The following GRIP2 variants were observed in gnomAD, a reference collection of about 807,000 sequenced individuals.
GRIP2 encodes the protein glutamate receptor interacting protein 2.
A neutral mutation model predicts 108.3 loss-of-function variants in GRIP2; 58 were observed. The observed-to-expected ratio is 0.54, with a 90% confidence interval of 0.43 to 0.67. The LOEUF is 0.67. GRIP2 is among the 30% of genes least tolerant of loss of function. GRIP2 has a pLI of 0.00. For missense variants in GRIP2, 1,278 were observed against 1,430.6 expected (o/e 0.89, Z 1.72); for synonymous variants, 586 against 598.2 (o/e 0.98, Z 0.30).
chr3:14,533,800 G>A (rs557311609), intron 1 of GRIP2, among the ~76,000 whole-genome samples: 72 of 152,290 alleles, frequency 4.7e-4, no homozygotes, highest in African/African-American at 7.7e-4. Flanking sequence ...TCTCAACACC[G>A]AGTGGCTGCA....
the GRIP2 span, among the ~76,000 whole-genome samples, chr3:14,561,130 C>T: frequency 6.6e-5 from 10 of 152,318 alleles, no homozygotes; most frequent in South Asian, 1.7e-3. Flanking sequence ...GCCAGGCTCC[C>T]CTGTGCTCCC....
chr3:14,576,310 G>A, the GRIP2 span, among the ~76,000 whole-genome samples: 6 of 152,238 alleles, frequency 3.9e-5, no homozygotes, highest in Non-Finnish European at 7.3e-5. Flanking sequence ...ACTGAGATGC[G>A]GGTGCTGTGA....
Position 14,533,947 on chromosome 3 carries a change from C to T in GRIP2, c.40+6322G>A, listed in dbSNP as rs544691254. On this transcript the variant is annotated intron_variant, in intron 1 of 23. Coordinates refer to ENST00000621039, the MANE Select transcript of GRIP2 (RefSeq NM_001080423.4). ...GCGCAAAGAGTCAGTGGGCAGCAGG[C>T]GAGGCCTCGAGAGACTTCCCTAGGC... 3.3e-5 allele frequency among the ~76,000 whole-genome samples: 5 copies of T among 152,274 alleles called. No homozygotes were observed. In the South Asian group the frequency reaches 1.0e-3, roughly 32 times the overall value.
chr3:14,528,226 G>A (rs2102916), intron 1 of GRIP2, among the ~76,000 whole-genome samples: 24,956 of 152,210 alleles, frequency 0.16, 2,738 homozygotes, highest in East Asian at 0.43. Flanking sequence ...CCACAGTGTC[G>A]TGTGTATCAG....
At chr3:14,544,709 G>T (rs1695031506), upstream of GRIP2, among the ~76,000 whole-genome samples, 1 of 152,210 alleles carries the variant, frequency 6.6e-6, no homozygotes, top group Non-Finnish European at 1.5e-5. Flanking sequence ...GGCCGGGCCA[G>T]GACAATTGCT....
chr3:14,541,764 G>A, upstream of GRIP2: 1 of 692,704 alleles, frequency 1.4e-6, no homozygotes. Flanking sequence ...GTGATGCCAA[G>A]GTCTCAGCCA....
chr3:14,573,931 C>T, the GRIP2 span: 1 of 1,104,294 alleles, frequency 9.1e-7, no homozygotes, highest in Non-Finnish European at 1.4e-6. Flanking sequence ...GAGTGCTTCT[C>T]GTGCTCGCGC....
rs1693540013 is a variant in GRIP2 at position 14,494,906 on chromosome 3, G to A, written c.2907C>T (p.His969=). Reference sequence around the variant, plus strand: ...GGGCTGGCCCATCAGGGCGCACAGTGTGGACATAGACACCTTTTTCCAGGA... The same window carrying A: ...GGGCTGGCCCATCAGGGCGCACAGTATGGACATAGACACCTTTTTCCAGGA... ...DGLLEKGVYV[H]TVRPDGPAHR... The change falls in exon 23 of 24, where the codon CAC becomes CAT. Residue 969 remains histidine, a synonymous_variant. Transcript: ENST00000621039. 1 of 1,613,846 alleles carries A rather than the reference G, an allele frequency of 6.2e-7. No homozygotes were observed. The highest frequency in any genetic ancestry group is 8.5e-7 in the Non-Finnish European group (1 of 1,179,868).
intron 1 of GRIP2, among the ~76,000 whole-genome samples, chr3:14,555,240 C>G (rs1695217672): frequency 1.3e-5 from 2 of 152,232 alleles, no homozygotes; most frequent in Middle Eastern, 6.8e-3. Context: ...TGTCCCAACT[C>G]CCCACGTACA....
chr3:14,558,223 C>T (rs181240516), upstream of GRIP2, among the ~76,000 whole-genome samples: 1 of 152,198 alleles, frequency 6.6e-6, no homozygotes, highest in Non-Finnish European at 1.5e-5. Context: ...AGCATGCATG[C>T]GGCAAAACAG....
Position 14,505,495 on chromosome 3 carries a change from C to T in GRIP2, c.2573+120G>A, listed in dbSNP as rs1473948630. 2.7e-6 allele frequency: 3 copies of T among 1,120,948 alleles called. No homozygotes were observed. Among genetic ancestry groups the T allele is most frequent in the Middle Eastern group, 2.2e-4 (1 of 4,586 alleles). The allele number at this position is 1,120,948 out of a possible 1,614,324, so 69.4% of individuals were successfully genotyped here. A position where few individuals can be genotyped will look rare whatever the true frequency, so the allele number is the denominator to read the frequency against. On this transcript the variant is annotated intron_variant, in intron 20 of 23. Transcript: ENST00000621039. The surrounding 1 kb of genome is among the most constrained non-coding windows in gnomAD (Gnocchi z 4.2). ...CTCAGTGCTTCTCTCCCAGGAGGCACCCCTCCTCAGGAGCCCGCCAAGACT... is the reference window on the plus strand; with the variant it reads ...CTCAGTGCTTCTCTCCCAGGAGGCATCCCTCCTCAGGAGCCCGCCAAGACT...
At chr3:14,494,300 G>A (rs753243251) in intron 23 of GRIP2, among the ~76,000 whole-genome samples, 1 of 152,244 alleles carries the variant, frequency 6.6e-6, no homozygotes. Flanking sequence ...AACATGAATT[G>A]AGTAAATTTC....
At position 14,523,007 on chromosome 3, in the gene GRIP2, C is replaced by T. The variant is rs748476569; in HGVS notation, c.559G>A (p.Ala187Thr). ...TCTTCTGCCTCGGCTCACCTGTCGG[C>T]AGGGCCACCGGGCCGCACGTAGGTC... is the stretch of plus-strand genomic sequence containing the variant. ...VLTYVRPGGP[A>T]DREGSLKVGD... Residue 187 changes from alanine (A) to threonine (T), a missense_variant, in exon 6 of 24, where the codon GCC (alanine) becomes ACC (threonine). By Grantham distance (58) the Ala-to-Thr change is moderately conservative. Transcript: ENST00000621039. 6 of 1,613,716 alleles carry T rather than the reference C, an allele frequency of 3.7e-6. No individual in the cohort carries two copies. The highest frequency in any genetic ancestry group is 5.1e-6 in the Non-Finnish European group (6 of 1,179,726).
chr3:14,571,853 T>C, the GRIP2 span, among the ~76,000 whole-genome samples: 3,711 of 152,258 alleles, frequency 0.024, 184 homozygotes, highest in African/African-American at 0.084. Context: ...CCTGGGAAGC[T>C]TGATAGAAAT....
chr3:14,496,524 G>C lies in GRIP2; in HGVS notation c.2716C>G (p.Leu906Val). ...IMTGTVQRVA[L>V]EGRPGHRPWQ... ...GGCCGGTGGCCAGGCCTGCCCTCGAGGGCCACCCTCTGCACGGTGCCCGTC... is the reference window on the plus strand; with the variant it reads ...GGCCGGTGGCCAGGCCTGCCCTCGACGGCCACCCTCTGCACGGTGCCCGTC... Residue 906 changes from leucine (L) to valine (V), a missense_variant, in exon 22 of 24, where the codon CTC (leucine) becomes GTC (valine). Physicochemically the swap from Leu to Val is conservative, Grantham distance 32. Transcript: ENST00000621039. The C allele has an allele frequency of 6.2e-7, 1 of 1,612,694 alleles. No homozygotes were observed. The highest frequency in any genetic ancestry group is 8.5e-7 in the Non-Finnish European group (1 of 1,179,442).
chr3:14,493,453 C>T lies in GRIP2; in HGVS notation c.*212G>A, dbSNP rs144232410. ...CTTGGAGACCCAACTTGGCGAGAGA[C>T]CCCAGCTGTCACTCCAACTAGGGCA... On this transcript the variant is annotated 3_prime_UTR_variant, in exon 24 of 24. Transcript: ENST00000621039. 3.4e-4 allele frequency: 200 copies of T among 592,466 alleles called. 1 individual carries two copies. The East Asian group carries it at 5.9e-3, about 18-fold the overall frequency. The allele number at this position is 592,466 out of a possible 1,614,324, so 36.7% of individuals were successfully genotyped here. A position where few individuals can be genotyped will look rare whatever the true frequency, so the allele number is the denominator to read the frequency against.
At chr3:14,540,389 G>T, upstream of GRIP2, 1 of 1,609,988 alleles carries the variant, frequency 6.2e-7, no homozygotes, top group South Asian at 1.1e-5. This position sits in a 1 kb window ranked among gnomAD's most constrained non-coding sequence, Gnocchi z 4.1. Context: ...CCCAGGGAGG[G>T]GCTGTGGGAG....
chr3:14,521,724 G>A lies in GRIP2; in HGVS notation c.630C>T (p.Ala210=), dbSNP rs778988084. 6.2e-7 allele frequency: 1 copy of A among 1,610,460 alleles called. No individual in the cohort carries two copies. Among genetic ancestry groups the A allele is most frequent in the Non-Finnish European group, 8.5e-7 (1 of 1,178,834 alleles). Residue 210 remains alanine (A), a synonymous_variant, in exon 7 of 24, where the codon GCC becomes GCT. Transcript: ENST00000621039. This position sits in a 1 kb window ranked among gnomAD's most constrained non-coding sequence, Gnocchi z 5.1. ...LSVDGIPLHG[A]SHATALATLR... is the part of the protein sequence containing the mutation. Reference sequence around the variant, plus strand: ...GGGTGGCCAGGGCGGTGGCATGGCTGGCCCCGTGCAGCGGGATTCCATCGA... The same window carrying A: ...GGGTGGCCAGGGCGGTGGCATGGCTAGCCCCGTGCAGCGGGATTCCATCGA...
chr3:14,586,347 T>C, the GRIP2 span, among the ~76,000 whole-genome samples: 6 of 152,366 alleles, frequency 3.9e-5, no homozygotes, highest in Non-Finnish European at 8.8e-5. Flanking sequence ...TTCACTACTG[T>C]ACCCCAGCAC....
Sources: gnomAD v4.1 joint callset for allele counts (sites outside exome capture counted in the v4.1 genomes callset) on GRCh38, gnomAD v4.1.1 for gene constraint, Gnocchi (gnomAD v3.1) non-coding constraint, MANE v1.5 for transcripts, NCBI Gene and HGNC (gene_info 2026-07-23, HGNC 2026-07-21) for gene names.